DOP1A: variants seen among roughly 807,000 people sequenced by gnomAD.
DOP1A encodes protein DOP1A.
A neutral mutation model predicts 267.6 loss-of-function variants in DOP1A; 90 were observed. That is an observed-to-expected ratio of 0.34 (90% CI 0.28 to 0.40). DOP1A has a LOEUF of 0.40. Ranked by LOEUF, DOP1A falls within the 10% of genes least tolerant of loss-of-function variation. The pLI is 1.00. For missense variants in DOP1A, 2,437 were observed against 2,900.4 expected (o/e 0.84, Z 3.67); for synonymous variants, 932 against 999.1 (o/e 0.93, Z 1.27).
chr6:83,081,489 A>G (rs1367806446), intron 1 of DOP1A, among the ~76,000 whole-genome samples: 2 of 152,176 alleles, frequency 1.3e-5, no homozygotes, highest in African/African-American at 4.8e-5. Context: ...GTGTTGGGAA[A>G]ACTGGATAAA....
chr6:83,149,889 A>G (rs780283868), intron 27 of DOP1A, among the ~76,000 whole-genome samples: 1 of 152,122 alleles, frequency 6.6e-6, no homozygotes, highest in Non-Finnish European at 1.5e-5. Context: ...ACCTACAGAG[A>G]GGTTAAGGAA....
intron 4 of DOP1A, among the ~76,000 whole-genome samples, chr6:83,104,607 A>G (rs2128150572): frequency 6.6e-6 from 1 of 152,246 alleles, no homozygotes; most frequent in East Asian, 1.9e-4. Flanking sequence ...TCTGAAATTT[A>G]TCTTTGTGGG....
chr6:83,166,295 G>A, intron 38 of DOP1A: 2 of 617,484 alleles, frequency 3.2e-6, no homozygotes, highest in Non-Finnish European at 5.8e-6. Flanking sequence ...CTTCGATGAT[G>A]TTCTCAATTG....
intron 3 of DOP1A, among the ~76,000 whole-genome samples, chr6:83,099,680 ATGTGTGTGTGTG>A (rs373165064): frequency 7.2e-6 from 1 of 138,918 alleles, no homozygotes; most frequent in Non-Finnish European, 1.6e-5. Flanking sequence ...AGGATTGCAT[ATGTGTGTGTGTG>A]TGTGTGTGTG....
chr6:83,087,119 A>G (rs1373547594), intron 1 of DOP1A, among the ~76,000 whole-genome samples: 2 of 152,170 alleles, frequency 1.3e-5, no homozygotes, highest in Non-Finnish European at 2.9e-5. Flanking sequence ...AGAAAAGTAG[A>G]GAATATGGGT....
At chr6:83,135,510 A>G in intron 19 of DOP1A, 109 bp from the exon 20 acceptor site, 1 of 1,172,254 alleles carries the variant, frequency 8.5e-7, no homozygotes, top group South Asian at 1.6e-5. Context: ...AAGTATGACT[A>G]CTTCAAAATA....
At chr6:83,161,751 C>T (rs1784286035) in intron 37 of DOP1A, among the ~76,000 whole-genome samples, 1 of 152,126 alleles carries the variant, frequency 6.6e-6, no homozygotes, top group South Asian at 2.1e-4. Context: ...TGATATTGTC[C>T]AATTGTTCAG....
chr6:83,130,416 A>G lies in DOP1A; in HGVS notation c.2616+19A>G, dbSNP rs200237936. On this transcript the variant is annotated intron_variant, in intron 17 of 38. Transcript: ENST00000349129. The stretch of plus-strand genomic sequence containing the variant: ...TTTCAAGGTAAATTCTAAGAAATGC[A>G]TATATGACTATGATGATTACAGCCA... 9.9e-5 allele frequency: 159 copies of G among 1,598,626 alleles called. No homozygotes were observed. Among genetic ancestry groups the G allele is most frequent in the Non-Finnish European group, 1.3e-4 (156 of 1,173,132 alleles).
intron 31 of DOP1A, 102 bp from the exon 32 acceptor site, chr6:83,153,792 T>C (rs1782203201): frequency 7.7e-7 from 1 of 1,294,858 alleles, no homozygotes; most frequent in Non-Finnish European, 1.1e-6. Flanking sequence ...CTATTTCATA[T>C]CTTCATGTCA....
Position 83,125,444 on chromosome 6 carries a change from T to C in DOP1A, c.1486-56T>C, listed in dbSNP as rs899093493. 172 of 1,504,662 alleles carry C rather than the reference T, an allele frequency of 1.1e-4. 3 individuals carry two copies. In the South Asian group the frequency reaches 1.5e-3, roughly 13 times the overall value. The allele number at this position is 1,504,662 out of a possible 1,614,324, so 93.2% of individuals were successfully genotyped here. On this transcript the variant is annotated intron_variant, in intron 14 of 38. Coordinates refer to ENST00000349129, the MANE Select transcript of DOP1A (RefSeq NM_015018.4). Reference sequence around the variant, plus strand: ...TTGCCTATTTATATAGATTAAAAAATGTAACTTTTGGGTTCCACATTGTTT... The same window carrying C: ...TTGCCTATTTATATAGATTAAAAAACGTAACTTTTGGGTTCCACATTGTTT...
intron 1 of DOP1A, among the ~76,000 whole-genome samples, chr6:83,096,196 T>G (rs1434167937): frequency 6.6e-6 from 1 of 151,742 alleles, no homozygotes; most frequent in Non-Finnish European, 1.5e-5. Context: ...CAAGCTATCC[T>G]CTCACTTCAG....
At chr6:83,153,745 TA>T (rs561635309) in intron 31 of DOP1A, 125 bp downstream of exon 31, 7 of 1,173,310 alleles carry the variant, frequency 6.0e-6, no homozygotes, top group South Asian at 5.4e-5. Context: ...TATAATTGTT[TA>T]AAAAAATTCA....
intron 7 of DOP1A, 116 bp downstream of exon 7, chr6:83,113,537 C>A: frequency 2.7e-6 from 2 of 738,466 alleles, no homozygotes; most frequent in African/African-American, 1.8e-5. Flanking sequence ...AATCAGTAAG[C>A]GCATGGAAAA....
At chr6:83,091,281 C>T (rs976408617) in intron 1 of DOP1A, among the ~76,000 whole-genome samples, 2 of 152,058 alleles carry the variant, frequency 1.3e-5, no homozygotes, top group African/African-American at 4.8e-5. Context: ...GGGACACAGC[C>T]AAACCATATC....
Position 83,168,204 on chromosome 6 carries a change from G to T in DOP1A, c.*37G>T, listed in dbSNP as rs1267072465. On this transcript the variant is annotated 3_prime_UTR_variant, in exon 39 of 39. Coordinates refer to ENST00000349129, the MANE Select transcript of DOP1A (RefSeq NM_015018.4). ...GGTTCCATTTAGCTTACATGTAAAT[G>T]TAATTATTTAAAACACACACACTGC... 3.8e-6 allele frequency: 6 copies of T among 1,575,794 alleles called. No homozygotes were observed. The East Asian group carries it at 9.0e-5, about 24-fold the overall frequency.
intron 1 of DOP1A, among the ~76,000 whole-genome samples, chr6:83,079,775 A>G (rs1409123899): frequency 1.3e-5 from 2 of 152,160 alleles, no homozygotes; most frequent in Admixed American, 6.5e-5. Context: ...AATCATTGTC[A>G]TTAAATGAAG....
intron 1 of DOP1A, among the ~76,000 whole-genome samples, chr6:83,088,763 G>A (rs748474188): frequency 1.1e-4 from 16 of 152,118 alleles, no homozygotes; most frequent in Non-Finnish European, 2.2e-4. Flanking sequence ...CCAGCTTTCA[G>A]GAGTGACTGG....
At chr6:83,071,016 A>G (rs1259765447) in intron 1 of DOP1A, among the ~76,000 whole-genome samples, 1 of 152,252 alleles carries the variant, frequency 6.6e-6, no homozygotes, top group African/African-American at 2.4e-5. Context: ...AGGTGGACGT[A>G]TACGTAAAAA....
chr6:83,130,545 C>T (rs1285924934), intron 17 of DOP1A, 148 bp downstream of exon 17: 2 of 1,001,376 alleles, frequency 2.0e-6, no homozygotes, highest in Non-Finnish European at 2.8e-6. Context: ...AAAATGATGC[C>T]ACAGCTGATA....
Sources: gnomAD v4.1 joint callset for allele counts (sites outside exome capture counted in the v4.1 genomes callset) on GRCh38, gnomAD v4.1.1 for gene constraint, MANE v1.5 for transcripts, NCBI Gene and HGNC (gene_info 2026-07-23, HGNC 2026-07-21) for gene names.